APBA2: variants seen among roughly 807,000 people sequenced by gnomAD.
APBA2 encodes the protein amyloid-beta A4 precursor protein-binding family A member 2.
Under a neutral mutation model 75.0 loss-of-function variants are expected in APBA2, and 30 were observed. The ratio of observed to expected loss-of-function variants is 0.40; its 90% CI spans 0.30 to 0.54. The LOEUF (loss-of-function observed/expected upper bound fraction) is 0.54, where lower values mean the gene tolerates loss of function less well. Among genes scored for constraint, APBA2 ranks in the 20% least tolerant of loss-of-function variants. The pLI is 0.49. For missense variants in APBA2, 801 were observed against 1,016.1 expected, an observed-to-expected ratio of 0.79 and a Z score of 2.88; for synonymous variants, 444 against 409.6, an observed-to-expected ratio of 1.08 and a Z score of -1.01.
intron 14 of APBA2, among the ~76,000 whole-genome samples, chr15:29,114,949 G>A (rs1225976228): frequency 6.6e-6 from 1 of 151,634 alleles, no homozygotes; most frequent in African/African-American, 2.4e-5. Context: ...GGCTGTGGCT[G>A]TGGGTCTGTG....
intron 2 of APBA2, among the ~76,000 whole-genome samples, chr15:28,928,093 G>A (rs377356183): frequency 4.3e-4 from 63 of 146,724 alleles, no homozygotes; most frequent in African/African-American, 1.5e-3. Context: ...GCAGTGAGCC[G>A]AGATCACTCC....
chr15:29,089,051 C>T (rs74672022), intron 6 of APBA2, among the ~76,000 whole-genome samples: 4,397 of 152,304 alleles, frequency 0.029, 130 homozygotes, highest in African/African-American at 0.069. Flanking sequence ...GAGCAGCCTC[C>T]CTGTCCCTTC....
chr15:28,994,049 G>A (rs1039943183), intron 2 of APBA2, among the ~76,000 whole-genome samples: 1 of 152,204 alleles, frequency 6.6e-6, no homozygotes, highest in Non-Finnish European at 1.5e-5. Context: ...TCTTGCTGCT[G>A]GACTAACCTT....
chr15:28,942,818 A>G (rs1486860305), intron 2 of APBA2, among the ~76,000 whole-genome samples: 14 of 152,110 alleles, frequency 9.2e-5, no homozygotes. Context: ...TCTTCCCTGC[A>G]GGGAGAGAGA....
chr15:28,963,575 C>T (rs1298394641), intron 2 of APBA2, among the ~76,000 whole-genome samples: 3 of 152,296 alleles, frequency 2.0e-5, no homozygotes, highest in East Asian at 1.9e-4. Flanking sequence ...GTGAGAAAGC[C>T]GGCCACAGTC....
chr15:28,955,533 C>T (rs1410610635), intron 2 of APBA2, among the ~76,000 whole-genome samples: 1 of 152,176 alleles, frequency 6.6e-6, no homozygotes, highest in Non-Finnish European at 1.5e-5. Flanking sequence ...GGAACATCAG[C>T]TCTGTTCAAG....
chr15:28,893,314 A>C (rs1426047150), intron 1 of APBA2, among the ~76,000 whole-genome samples: 3 of 152,176 alleles, frequency 2.0e-5, no homozygotes, highest in African/African-American at 7.2e-5. Flanking sequence ...CACCAGGTTT[A>C]GGGTGTGTGT....
intron 4 of APBA2, among the ~76,000 whole-genome samples, chr15:29,059,041 C>G (rs868265459): frequency 1.3e-5 from 2 of 152,210 alleles, no homozygotes; most frequent in Admixed American, 6.5e-5. Context: ...AATCAATACT[C>G]GTAGCACTTT....
chr15:29,102,063 A>G, intron 10 of APBA2: 1 of 557,000 alleles, frequency 1.8e-6, no homozygotes, highest in East Asian at 3.1e-5. Context: ...TTTACAAAAC[A>G]TTTTCTCTAC....
Position 28,921,621 on chromosome 15 carries a change from G to C in APBA2, c.-204-19G>C, listed in dbSNP as rs147429775. 2 of 152,346 alleles carry C rather than the reference G, an allele frequency of 1.3e-5. No homozygotes were observed. The highest frequency in any genetic ancestry group is 2.9e-5 in the Non-Finnish European group (2 of 68,062). The allele number at this position is 152,346 out of a possible 1,614,324, so 9.4% of individuals were successfully genotyped here. A position where few individuals can be genotyped will look rare whatever the true frequency, so the allele number is the denominator to read the frequency against. On this transcript the variant is annotated intron_variant, in intron 1 of 14. Coordinates refer to ENST00000683413, the MANE Select transcript of APBA2 (RefSeq NM_001353788.2). Reference sequence around the variant, plus strand: ...CAGCTGGTTGACGCTTCATTTGTTTGTGTTCTTTTTCTTTACAGTCTCCTG... The same window carrying C: ...CAGCTGGTTGACGCTTCATTTGTTTCTGTTCTTTTTCTTTACAGTCTCCTG...
intron 3 of APBA2, among the ~76,000 whole-genome samples, chr15:29,049,069 A>G (rs2041477936): frequency 6.6e-6 from 1 of 152,220 alleles, no homozygotes; most frequent in Non-Finnish European, 1.5e-5. Context: ...GTCACTGTAA[A>G]ACATGAGAAA....
intron 3 of APBA2, among the ~76,000 whole-genome samples, chr15:29,007,639 A>T (rs745900161): frequency 6.6e-6 from 1 of 152,196 alleles, no homozygotes; most frequent in Non-Finnish European, 1.5e-5. Context: ...TCAGCATCAC[A>T]AATCGTTAGA....
At chr15:29,020,936 T>C (rs1464396420) in intron 3 of APBA2, among the ~76,000 whole-genome samples, 1 of 152,142 alleles carries the variant, frequency 6.6e-6, no homozygotes, top group Non-Finnish European at 1.5e-5. Context: ...ACTGTGTCTG[T>C]TACTGCGGCA....
intron 14 of APBA2, among the ~76,000 whole-genome samples, chr15:29,115,142 G>A (rs1342633253): frequency 1.3e-5 from 2 of 151,840 alleles, no homozygotes; most frequent in African/African-American, 4.8e-5. Context: ...CTGGGGACCG[G>A]GCAGGGAATT....
At chr15:29,018,614 C>T (rs933516588) in intron 3 of APBA2, among the ~76,000 whole-genome samples, 6 of 152,160 alleles carry the variant, frequency 3.9e-5, no homozygotes, top group African/African-American at 1.4e-4. Flanking sequence ...CACTGAGCAG[C>T]CCCTGGCTAG....
chr15:28,928,727 C>T (rs960241996), intron 2 of APBA2, among the ~76,000 whole-genome samples: 1 of 152,124 alleles, frequency 6.6e-6, no homozygotes, highest in Non-Finnish European at 1.5e-5. Context: ...ACCAGGATGA[C>T]GTTTGTCCTC....
At chr15:28,971,657 T>A (rs1030567214) in intron 2 of APBA2, among the ~76,000 whole-genome samples, 20 of 151,978 alleles carry the variant, frequency 1.3e-4, no homozygotes, top group African/African-American at 4.6e-4. Context: ...AAACAACAAA[T>A]CATCCACAAA....
At chr15:28,961,827 C>T (rs548916559) in intron 2 of APBA2, among the ~76,000 whole-genome samples, 3 of 152,268 alleles carry the variant, frequency 2.0e-5, no homozygotes, top group South Asian at 2.1e-4. Context: ...GGGTATAGAT[C>T]CCGGACGTTA....
chr15:28,914,970 G>A (rs1390268841), intron 1 of APBA2, among the ~76,000 whole-genome samples: 110 of 92,020 alleles, frequency 1.2e-3, no homozygotes, highest in Middle Eastern at 7.5e-3. Context: ...CACACCACAC[G>A]CATACCCCAT....
Sources: gnomAD v4.1 joint callset for allele counts (sites outside exome capture counted in the v4.1 genomes callset) on GRCh38, gnomAD v4.1.1 for gene constraint, MANE v1.5 for transcripts, NCBI Gene and HGNC (gene_info 2026-07-23, HGNC 2026-07-21) for gene names.